Variants in PLEKHH3 observed in about 807,000 individuals in gnomAD.
PLEKHH3 encodes pleckstrin homology, MyTH4 and FERM domain containing H3.
A neutral mutation model predicts 77.8 loss-of-function variants in PLEKHH3; 57 were observed. The observed-to-expected ratio is 0.73, with a 90% CI of 0.59 to 0.91. The LOEUF (loss-of-function observed/expected upper bound fraction) is 0.91, where lower values mean the gene tolerates loss of function less well. Among genes scored for constraint, PLEKHH3 ranks in the 40% least tolerant of loss-of-function variants. The probability of loss-of-function intolerance (pLI) is 0.00; values close to 1 mark genes in which losing one functional copy is unlikely to be tolerated. For missense variants in PLEKHH3, 1,082 were observed against 1,091.2 expected (o/e 0.99, Z 0.12); for synonymous variants, 467 against 504.8 (o/e 0.93, Z 1.00).
In PLEKHH3 at chr17:42,670,263, C is replaced by A. The variant is rs2052660208; in HGVS notation, c.1668G>T (p.Leu556=). 31 of 1,285,934 alleles carry A rather than the reference C, an allele frequency of 2.4e-5. No homozygotes were observed. The highest frequency in any genetic ancestry group is 2.9e-5 in the Non-Finnish European group (30 of 1,019,152). The allele number at this position is 1,285,934 out of a possible 1,614,324, so 79.7% of individuals were successfully genotyped here. ...LQRDFSPRVP[L]PRLDRLLPPP... ...GCGGGAGCAGGCGGTCCAGGCGGGG[C>A]AGGGGCACCCGCGGAGAGAAGTCCC... Residue 556 remains leucine (L), a synonymous_variant, in exon 11 of 13, where the codon CTG becomes CTT. Coordinates refer to ENST00000591022, the MANE Select transcript of PLEKHH3 (RefSeq NM_024927.5).
rs948022440 is a variant in PLEKHH3 at position 42,671,195 on chromosome 17, C to A, written c.1285-65G>T. On this transcript the variant is annotated intron_variant, in intron 8 of 12. Coordinates refer to ENST00000591022, the MANE Select transcript of PLEKHH3 (RefSeq NM_024927.5). This position sits in a 1 kb window ranked among gnomAD's most constrained non-coding sequence, Gnocchi z 4.7. Reference sequence around the variant, plus strand: ...GCCAGGATTCTGGGAGGGGTTGATTCAATTGGAAGGGGTCTCTTAGTCCTG... The same window carrying A: ...GCCAGGATTCTGGGAGGGGTTGATTAAATTGGAAGGGGTCTCTTAGTCCTG... The A allele has an allele frequency of 6.5e-7, 1 of 1,529,494 alleles. No homozygotes were observed. The highest frequency in any genetic ancestry group is 1.3e-5 in the South Asian group (1 of 79,368). The allele number at this position is 1,529,494 out of a possible 1,614,324, so 94.7% of individuals were successfully genotyped here. A position where few individuals can be genotyped will look rare whatever the true frequency, so the allele number is the denominator to read the frequency against.
Position 42,670,008 on chromosome 17 carries a change from G to C in PLEKHH3, c.1923C>G (p.Gly641=). The C allele has an allele frequency of 6.3e-7, 1 of 1,595,708 alleles. No homozygotes were observed. The highest frequency in any genetic ancestry group is 8.5e-7 in the Non-Finnish European group (1 of 1,174,212). ...LGGWKRLRGM[G]RAEAMAAYLA... is the part of the protein sequence containing the mutation. ...GGTAGGCGGCCATGGCCTCAGCTCG[G>C]CCCATGCCCCGTAGCCGCTTCCAGC... The change falls in exon 11 of 13, where the codon GGC becomes GGG. Residue 641 remains glycine, a synonymous_variant. Coordinates refer to ENST00000591022, the MANE Select transcript of PLEKHH3 (RefSeq NM_024927.5).
Position 42,672,147 on chromosome 17 carries a change from T to C in PLEKHH3, c.1015A>G (p.Met339Val). Residue 339 changes from methionine to valine, a missense_variant, in exon 7 of 13, where the codon ATG becomes GTG. Physicochemically the swap from Met to Val is conservative, Grantham distance 21 (BLOSUM62 1). This residue lies in a region of PLEKHH3 where 733 missense variants were observed against 750.0 expected (regional missense o/e 0.98). Coordinates refer to ENST00000591022, the MANE Select transcript of PLEKHH3 (RefSeq NM_024927.5). Reference sequence around the variant, plus strand: ...CCCCCAGGTCGGAAGGTGCAGCTCATGCAGGTGAGGAGTTGCCAGTACCGC... The same window carrying C: ...CCCCCAGGTCGGAAGGTGCAGCTCACGCAGGTGAGGAGTTGCCAGTACCGC... ...ALRYWQLLTC[M>V]SCTFRPGGAV... The C allele has an allele frequency of 6.5e-7, 1 of 1,543,530 alleles. No individual in the cohort carries two copies. The highest frequency in any genetic ancestry group is 8.8e-7 in the Non-Finnish European group (1 of 1,141,468).
In PLEKHH3 at chr17:42,676,802, C is replaced by A. The variant is rs1361077762; in HGVS notation, c.-239G>T. On this transcript the variant is annotated 5_prime_UTR_variant, in exon 1 of 13. Transcript: ENST00000591022. The surrounding 1 kb of genome is among the most constrained non-coding windows in gnomAD (Gnocchi z 6.6). ...GGGAGGGGGAAAAGCGTCCAGGGCC[C>A]CGGGAGAGGAGGGAGCAATGTCCGG... is the stretch of plus-strand genomic sequence containing the variant. 1.0e-5 allele frequency: 6 copies of A among 582,194 alleles called. No homozygotes were observed. Among genetic ancestry groups the A allele is most frequent in the Non-Finnish European group, 1.5e-5 (5 of 327,592 alleles). 36.1% of individuals were successfully genotyped at this position (582,194 alleles called of 1,614,324 possible).
In PLEKHH3 at chr17:42,671,313, G is replaced by C. The variant is rs576309965; in HGVS notation, c.1284+38C>G. On this transcript the variant is annotated intron_variant, in intron 8 of 12. Transcript: ENST00000591022. This position sits in a 1 kb window ranked among gnomAD's most constrained non-coding sequence, Gnocchi z 4.7. Reference sequence around the variant, plus strand: ...AGAGACAGGCGTGAGAAGCTGGCAGGGTGGGTTGGAGGTCATGGGGCCTTT... The same window carrying C: ...AGAGACAGGCGTGAGAAGCTGGCAGCGTGGGTTGGAGGTCATGGGGCCTTT... 2 of 1,597,924 alleles carry C rather than the reference G, an allele frequency of 1.3e-6. No homozygotes were observed. The highest frequency in any genetic ancestry group is 2.7e-5 in the African/African-American group (2 of 74,612).
intron 2 of PLEKHH3, 92 bp from the exon 3 acceptor site, chr17:42,674,105 C>T: frequency 7.4e-7 from 1 of 1,350,746 alleles, no homozygotes; most frequent in Non-Finnish European, 1.0e-6. Context: ...TGTCTGCTCC[C>T]AAGCTGGGCA....
In PLEKHH3 at chr17:42,670,892, C is replaced by T. The variant is rs1597789713; in HGVS notation, c.1421+102G>A. 6 of 1,549,810 alleles carry T rather than the reference C, an allele frequency of 3.9e-6. No homozygotes were observed. In the East Asian group the frequency reaches 1.4e-4, roughly 35 times the overall value. The stretch of plus-strand genomic sequence containing the variant: ...GTCTGTAAACCAGCGAACACCACAG[C>T]GCAGGGCCAGGGGCAAGCGCTGGAT... On this transcript the variant is annotated intron_variant, in intron 9 of 12. Coordinates refer to ENST00000591022, the MANE Select transcript of PLEKHH3 (RefSeq NM_024927.5).
intron 4 of PLEKHH3, 33 bp from the exon 5 acceptor site, chr17:42,673,589 G>A (rs763613042): frequency 9.4e-6 from 15 of 1,589,204 alleles, no homozygotes; most frequent in African/African-American, 1.3e-5. Context: ...AGGGCCATTA[G>A]GGTCTGCCGG....
chr17:42,670,020 TAGCCGCTTCC>T lies in PLEKHH3; in HGVS notation c.1901_1910del (p.Trp634TyrfsTer33). ...TGGCCTCAGCTCGGCCCATGCCCCG[TAGCCGCTTCC>T]AGCCGCCCAGCACGGCAGCTGCCGT... On this transcript the variant is annotated frameshift_variant, in exon 11 of 13. Coordinates refer to ENST00000591022, the MANE Select transcript of PLEKHH3 (RefSeq NM_024927.5). LOFTEE classifies it high-confidence loss of function. 6.3e-7 allele frequency: 1 copy of T among 1,583,132 alleles called. No homozygotes were observed. The highest frequency in any genetic ancestry group is 1.1e-5 in the South Asian group (1 of 87,510).
rs2052836316 is a variant in PLEKHH3, at chr17:42,676,727, G to A, written c.-164C>T. 1 of 697,940 alleles carries A rather than the reference G, an allele frequency of 1.4e-6. No homozygotes were observed. The allele number at this position is 697,940 out of a possible 1,614,324, so 43.2% of individuals were successfully genotyped here. The stretch of plus-strand genomic sequence containing the variant: ...CAGTGTCCTGGGCTGGGGTGCAAGG[G>A]GACGCTAGCCAGACGCTGAGGGGGG... On this transcript the variant is annotated 5_prime_UTR_variant, in exon 1 of 13. Transcript: ENST00000591022. The surrounding 1 kb of genome is among the most constrained non-coding windows in gnomAD (Gnocchi z 6.6).
Position 42,676,206 on chromosome 17 carries a change from G to T in PLEKHH3, c.162+196C>A. ...AGGTGGATAGCGCCCAGCCTGCAGC[G>T]GGAGGCCCACAGGCACATCCCGAGT... is the stretch of plus-strand genomic sequence containing the variant. On this transcript the variant is annotated intron_variant, in intron 1 of 12. Coordinates refer to ENST00000591022, the MANE Select transcript of PLEKHH3 (RefSeq NM_024927.5). This position sits in a 1 kb window ranked among gnomAD's most constrained non-coding sequence, Gnocchi z 6.6. 7.3e-6 allele frequency: 10 copies of T among 1,373,448 alleles called. No individual in the cohort carries two copies. The highest frequency in any genetic ancestry group is 9.5e-6 in the Non-Finnish European group (10 of 1,050,524). 85.1% of individuals were successfully genotyped at this position (1,373,448 alleles called of 1,614,324 possible). A position where few individuals can be genotyped will look rare whatever the true frequency, so the allele number is the denominator to read the frequency against.
Position 42,672,241 on chromosome 17 carries a change from C to T in PLEKHH3, c.921G>A (p.Gln307=), listed in dbSNP as rs369682345. ...LPALRDELFL[Q]LAKQTSGPAG... ...CAGGGCCCGAGGTCTGCTTAGCCAG[C>T]TGCAGGAAGAGTTCATCCCGGAGCG... The change falls in exon 7 of 13, where the codon CAG becomes CAA. Residue 307 remains glutamine (Q), a synonymous_variant. Transcript: ENST00000591022. 1.9e-4 allele frequency: 299 copies of T among 1,551,260 alleles called. 1 individual carries two copies. In the African/African-American group the frequency reaches 3.6e-3, roughly 19 times the overall value.
At position 42,671,239 on chromosome 17, in the gene PLEKHH3, T is replaced by C; in HGVS notation, c.1285-109A>G. On this transcript the variant is annotated intron_variant, in intron 8 of 12. Coordinates refer to ENST00000591022, the MANE Select transcript of PLEKHH3 (RefSeq NM_024927.5). This position sits in a 1 kb window ranked among gnomAD's most constrained non-coding sequence, Gnocchi z 4.7. ...AGTCCTGTCACCACCACTCCCTCCC[T>C]TACCAAAATAATCTAGACTCGGGGC... 1 of 1,525,138 alleles carries C rather than the reference T, an allele frequency of 6.6e-7. No individual in the cohort carries two copies. The highest frequency in any genetic ancestry group is 8.9e-7 in the Non-Finnish European group (1 of 1,128,978). 94.5% of individuals were successfully genotyped at this position (1,525,138 alleles called of 1,614,324 possible). A position where few individuals can be genotyped will look rare whatever the true frequency, so the allele number is the denominator to read the frequency against.
rs1421250903 is a variant in PLEKHH3, at chr17:42,676,499, C to T, written c.65G>A (p.Arg22Gln). 7 of 1,608,918 alleles carry T rather than the reference C, an allele frequency of 4.4e-6. No individual in the cohort carries two copies. Among genetic ancestry groups the T allele is most frequent in the Non-Finnish European group, 5.9e-6 (7 of 1,178,016 alleles). ...CCRRGFTLLH[R>Q]DYGDGELSGD... ...GCTAAGCTCGCCGTCCCCGTAGTCC[C>T]GGTGCAGAAGAGTGAAGCCTCGACG... Residue 22 changes from arginine (R) to glutamine (Q), a missense_variant, in exon 1 of 13, where the codon CGG becomes CAG. Arg to Gln is a conservative substitution (Grantham distance 43). This residue lies in a region of PLEKHH3 where 344 missense variants were observed against 320.8 expected (regional missense o/e 1.07). Transcript: ENST00000591022. This position sits in a 1 kb window ranked among gnomAD's most constrained non-coding sequence, Gnocchi z 6.6.
Position 42,670,144 on chromosome 17 carries a change from A to C in PLEKHH3, c.1787T>G (p.Leu596Arg), listed in dbSNP as rs1310964319. 1 of 1,199,490 alleles carries C rather than the reference A, an allele frequency of 8.3e-7. No homozygotes were observed. The highest frequency in any genetic ancestry group is 4.8e-5 in the Admixed American group (1 of 20,682). 74.3% of individuals were successfully genotyped at this position (1,199,490 alleles called of 1,614,324 possible). A position where few individuals can be genotyped will look rare whatever the true frequency, so the allele number is the denominator to read the frequency against. The change falls in exon 11 of 13, where the codon CTG becomes CGG. Residue 596 changes from leucine to arginine, a missense_variant. By Grantham distance (102) the Leu-to-Arg change is moderately radical. This residue lies in a region of PLEKHH3 where 733 missense variants were observed against 750.0 expected (regional missense o/e 0.98). Transcript: ENST00000591022. ...GGCCCGCTCCGCCCGCCTCTTGGCC[A>C]GGCCCGGGCTCCAGAGCGCCCCGGC... ...LLAGALWSPG[L>R]AKRRAERARR...
chr17:42,675,033 AAGGGCGGGCC>A (rs140330032), intron 1 of PLEKHH3, among the ~76,000 whole-genome samples: 2,073 of 152,248 alleles, frequency 0.014, 50 homozygotes, highest in African/African-American at 0.048. Flanking sequence ...GGGGCTTAGG[AAGGGCGGGCC>A]AGACTGAGGA....
intron 11 of PLEKHH3, 45 bp from the exon 12 acceptor site, chr17:42,669,666 G>A: frequency 1.9e-6 from 3 of 1,562,582 alleles, no homozygotes; most frequent in East Asian, 2.3e-5. Flanking sequence ...GGAGCCCAGC[G>A]TTATTTTTGG....
In PLEKHH3 at chr17:42,670,157, A is replaced by G; in HGVS notation, c.1774T>C (p.Trp592Arg). The change falls in exon 11 of 13, where the codon TGG becomes CGG. Residue 592 changes from tryptophan to arginine, a missense_variant. Around this residue, in one of 3 missense-constraint regions of PLEKHH3, gnomAD observed 733 missense variants for 750.0 expected, o/e 0.98. Transcript: ENST00000591022. ...PSAALLAGAL[W>R]SPGLAKRRAE... The stretch of plus-strand genomic sequence containing the variant: ...CGCCTCTTGGCCAGGCCCGGGCTCC[A>G]GAGCGCCCCGGCCAGCAGGGCAGCG... 2.4e-6 allele frequency: 3 copies of G among 1,231,220 alleles called. No homozygotes were observed. The highest frequency in any genetic ancestry group is 3.0e-6 in the Non-Finnish European group (3 of 991,502). The allele number at this position is 1,231,220 out of a possible 1,614,324, so 76.3% of individuals were successfully genotyped here.
chr17:42,674,018 G>A lies in PLEKHH3; in HGVS notation c.219-5C>T. 1 of 1,612,638 alleles carries A rather than the reference G, an allele frequency of 6.2e-7. No individual in the cohort carries two copies. The highest frequency in any genetic ancestry group is 1.1e-5 in the South Asian group (1 of 90,974). On this transcript the variant is annotated splice_region_variant and splice_polypyrimidine_tract_variant and intron_variant, in intron 2 of 12. Coordinates refer to ENST00000591022, the MANE Select transcript of PLEKHH3 (RefSeq NM_024927.5). ...GTCTCCTCCCAGCTCTGCAGCCTGG[G>A]CCAGAGGGGAGGGAAGGTTGGGTCT...
Sources: gnomAD v4.1 joint callset for allele counts (sites outside exome capture counted in the v4.1 genomes callset) on GRCh38, gnomAD v4.1.1 for gene constraint, gnomAD v4.1.1 regional missense constraint, Gnocchi (gnomAD v3.1) non-coding constraint, MANE v1.5 for transcripts, NCBI Gene and HGNC (gene_info 2026-07-23, HGNC 2026-07-21) for gene names.